CTNND2: variants seen among roughly 807,000 people sequenced by gnomAD.
The protein encoded by CTNND2 is catenin delta-2.
A neutral mutation model predicts 144.4 loss-of-function variants in CTNND2; 22 were observed. That is an observed-to-expected ratio of 0.15 (90% CI 0.11 to 0.22). The LOEUF is 0.22. CTNND2 is among the 10% of genes least tolerant of loss of function. CTNND2 has a pLI of 1.00. For missense variants in CTNND2, 1,353 were observed against 1,618.8 expected, an observed-to-expected ratio of 0.84 and a Z score of 2.82; for synonymous variants, 751 against 695.6, an observed-to-expected ratio of 1.08 and a Z score of -1.25.
chr5:11,765,871 A>G (rs967143651), intron 1 of CTNND2, among the ~76,000 whole-genome samples: 2 of 152,232 alleles, frequency 1.3e-5, no homozygotes, highest in African/African-American at 2.4e-5. Flanking sequence ...AAATTGTAAA[A>G]TGCTATATGT....
chr5:11,652,275 G>A lies in CTNND2; in HGVS notation c.174+79861C>T, dbSNP rs372661199. ...GCTTTCTTCCTCCTCCTACGGCCAC[G>A]TAAGACACACCTGCTTCCCTTTTGC... On this transcript the variant is annotated intron_variant, in intron 2 of 21. Coordinates refer to ENST00000304623, the MANE Select transcript of CTNND2 (RefSeq NM_001332.4). Among the ~76,000 whole-genome samples, 10 of 152,226 alleles carry A rather than the reference G, an allele frequency of 6.6e-5. No homozygotes were observed. In the South Asian group the frequency reaches 1.7e-3, roughly 25 times the overall value.
intron 2 of CTNND2, among the ~76,000 whole-genome samples, chr5:11,593,688 C>A (rs747316510): frequency 7.2e-5 from 11 of 152,182 alleles, no homozygotes; most frequent in Admixed American, 3.3e-4. Context: ...TGTCTTTGTT[C>A]CTCCTTCACT....
At chr5:11,376,324 G>GTGTGTGTGTGTGTGTTCATGTATC (rs1554044791) in intron 7 of CTNND2, among the ~76,000 whole-genome samples, 4,196 of 149,102 alleles carry the variant, frequency 0.028, 197 homozygotes, top group African/African-American at 0.1. Context: ...GTGTGTGTGT[G>GTGTGTGTGTGTGTGTTCATGTATC]TGTGTGTGTG....
At chr5:11,826,907 T>C (rs1405051842) in intron 1 of CTNND2, among the ~76,000 whole-genome samples, 1 of 151,930 alleles carries the variant, frequency 6.6e-6, no homozygotes, top group East Asian at 1.9e-4. Flanking sequence ...CTCTCAATAG[T>C]TGATAAAAGC....
At chr5:11,623,385 T>A (rs1429545575) in intron 2 of CTNND2, among the ~76,000 whole-genome samples, 1 of 152,060 alleles carries the variant, frequency 6.6e-6, no homozygotes, top group African/African-American at 2.4e-5. Context: ...AAGATCTGAT[T>A]ATTTTATAAA....
chr5:11,722,837 G>A (rs903697523), intron 2 of CTNND2, among the ~76,000 whole-genome samples: 3 of 152,094 alleles, frequency 2.0e-5, no homozygotes, highest in Non-Finnish European at 4.4e-5. Flanking sequence ...TTTCGGTGAG[G>A]ACACAGCCAA....
At chr5:11,447,576 A>C (rs906123354) in intron 3 of CTNND2, among the ~76,000 whole-genome samples, 4 of 152,198 alleles carry the variant, frequency 2.6e-5, no homozygotes, top group African/African-American at 9.6e-5. Flanking sequence ...AGACACCAGC[A>C]ATGTCAGAGA....
At chr5:11,271,078 T>C (rs1200671840) in intron 9 of CTNND2, among the ~76,000 whole-genome samples, 1 of 152,204 alleles carries the variant, frequency 6.6e-6, no homozygotes, top group Non-Finnish European at 1.5e-5. Context: ...TCAATTCACA[T>C]ACACCCAACA....
intron 2 of CTNND2, among the ~76,000 whole-genome samples, chr5:11,705,793 A>G (rs935500796): frequency 7.9e-5 from 12 of 152,314 alleles, no homozygotes; most frequent in African/African-American, 2.6e-4. Flanking sequence ...GCAGTCCTCC[A>G]CATCTTGAGT....
chr5:11,229,659 T>C (rs1740767304), intron 10 of CTNND2, among the ~76,000 whole-genome samples: 1 of 139,842 alleles, frequency 7.2e-6, no homozygotes, highest in Admixed American at 7.2e-5. Context: ...TGTGTGTGTG[T>C]GTGTGTGTGT....
chr5:11,000,392 G>A (rs539165932), intron 18 of CTNND2, among the ~76,000 whole-genome samples: 8 of 152,300 alleles, frequency 5.3e-5, no homozygotes, highest in Non-Finnish European at 1.2e-4. Flanking sequence ...GTCGTGGTGG[G>A]TGCCTGTAAT....
rs756966820 is a variant in CTNND2, at chr5:10,973,629, C to G, written c.3502G>C (p.Asp1168His). 8 of 1,614,106 alleles carry G rather than the reference C, an allele frequency of 5.0e-6. No individual in the cohort carries two copies. The highest frequency in any genetic ancestry group is 2.7e-5 in the African/African-American group (2 of 75,042). The change falls in exon 22 of 22, where the codon GAT (aspartate) becomes CAT (histidine). Residue 1168 changes from aspartate to histidine, a missense_variant. Around this residue, in one of 4 missense-constraint regions of CTNND2, gnomAD observed 459 missense variants for 674.3 expected, o/e 0.68. Coordinates refer to ENST00000304623, the MANE Select transcript of CTNND2 (RefSeq NM_001332.4). This position sits in a 1 kb window ranked among gnomAD's most constrained non-coding sequence, Gnocchi z 5.6. ...ACCTGGTCCTCGAAGAAGGACTCAT[C>G]GTAATTTCTTGTGGAATTCTGAAAT... ...QPFQNSTRNY[D>H]ESFFEDQVHH... is the part of the protein sequence containing the mutation.
At chr5:11,628,699 T>C (rs1403748355) in intron 2 of CTNND2, among the ~76,000 whole-genome samples, 1 of 152,244 alleles carries the variant, frequency 6.6e-6, no homozygotes, top group Non-Finnish European at 1.5e-5. Context: ...GGGCTGATTG[T>C]TCTTCACCAC....
At chr5:11,009,244 C>A (rs1006721780) in intron 18 of CTNND2, among the ~76,000 whole-genome samples, 2 of 152,196 alleles carry the variant, frequency 1.3e-5, no homozygotes, top group Non-Finnish European at 2.9e-5. Context: ...AGAGATGGAG[C>A]TAGCCAGCAG....
intron 2 of CTNND2, among the ~76,000 whole-genome samples, chr5:11,620,252 A>G (rs1780768105): frequency 1.3e-5 from 2 of 151,994 alleles, no homozygotes; most frequent in African/African-American, 2.4e-5. Context: ...GTGTACCCCT[A>G]AAGAGAGTAA....
At chr5:11,580,320 T>A (rs374182387) in intron 2 of CTNND2, among the ~76,000 whole-genome samples, 1 of 152,190 alleles carries the variant, frequency 6.6e-6, no homozygotes, top group East Asian at 1.9e-4. Context: ...ATTTAAGGTA[T>A]TTTCCATGGA....
intron 12 of CTNND2, among the ~76,000 whole-genome samples, chr5:11,133,119 G>A (rs1441756552): frequency 2.0e-5 from 3 of 152,106 alleles, no homozygotes; most frequent in Non-Finnish European, 2.9e-5. Context: ...TGAAAATATC[G>A]CATATGGAGG....
chr5:11,869,567 T>A (rs1187928913), intron 1 of CTNND2, among the ~76,000 whole-genome samples: 1 of 152,316 alleles, frequency 6.6e-6, no homozygotes, highest in African/African-American at 2.4e-5. Context: ...GGCTATGGGC[T>A]GCAAGAATGG....
Position 11,651,101 on chromosome 5 carries a change from C to T in CTNND2, c.174+81035G>A, listed in dbSNP as rs147967411. Among the ~76,000 whole-genome samples, 6 of 152,278 alleles carry T rather than the reference C, an allele frequency of 3.9e-5. No homozygotes were observed. In the East Asian group the frequency reaches 7.7e-4, roughly 20 times the overall value. Reference sequence around the variant, plus strand: ...TTGCAGTAGCCCATCCCATTACAGGCCTGGAGGCATAGGCAGGAATAATGG... The same window carrying T: ...TTGCAGTAGCCCATCCCATTACAGGTCTGGAGGCATAGGCAGGAATAATGG... On this transcript the variant is annotated intron_variant, in intron 2 of 21. Transcript: ENST00000304623.
Sources: gnomAD v4.1 joint callset for allele counts (sites outside exome capture counted in the v4.1 genomes callset) on GRCh38, gnomAD v4.1.1 for gene constraint, gnomAD v4.1.1 regional missense constraint, Gnocchi (gnomAD v3.1) non-coding constraint, MANE v1.5 for transcripts, NCBI Gene and HGNC (gene_info 2026-07-23, HGNC 2026-07-21) for gene names.